The following OTOP1 variants were observed in gnomAD, a reference collection of about 807,000 sequenced individuals.
The protein encoded by OTOP1 is otopetrin 1, also known as proton channel OTOP1.
A neutral mutation model predicts 52.9 loss-of-function variants in OTOP1; 59 were observed. The observed-to-expected ratio is 1.12, with a 90% CI of 0.91 to 1.39. OTOP1 has a LOEUF of 1.39. OTOP1 is among the 40% of genes most tolerant of loss of function. OTOP1 has a pLI of 0.00. For missense variants in OTOP1, 761 were observed against 800.9 expected (o/e 0.95, Z 0.60); for synonymous variants, 317 against 337.7 (o/e 0.94, Z 0.67).
At chr4:4,198,242 A>G in intron 4 of OTOP1, 139 bp from the exon 5 acceptor site, 1 of 684,280 alleles carries the variant, frequency 1.5e-6, no homozygotes, top group Admixed American at 2.8e-5. Context: ...GTCATAGCTT[A>G]TTATCACGTT....
chr4:4,198,782 G>A (rs1290450236), intron 4 of OTOP1, among the ~76,000 whole-genome samples: 1 of 152,204 alleles, frequency 6.6e-6, no homozygotes, highest in Non-Finnish European at 1.5e-5. Flanking sequence ...GATGCTGTAA[G>A]TAAATGATGA....
intron 4 of OTOP1, 96 bp downstream of exon 4, chr4:4,202,352 T>C (rs1322018599): frequency 6.4e-7 from 1 of 1,562,092 alleles, no homozygotes; most frequent in African/African-American, 1.4e-5. Flanking sequence ...TGCAGTTCTT[T>C]GGAACCTGCA....
Position 4,198,004 on chromosome 4 carries a change from T to C in OTOP1, c.830A>G (p.Tyr277Cys). 1 of 1,614,132 alleles carries C rather than the reference T, an allele frequency of 6.2e-7. No homozygotes were observed. The highest frequency in any genetic ancestry group is 8.5e-7 in the Non-Finnish European group (1 of 1,180,012). Residue 277 changes from tyrosine (Y) to cysteine (C), a missense_variant, in exon 5 of 6, where the codon TAT (tyrosine) becomes TGT (cysteine). Coordinates refer to ENST00000296358, the MANE Select transcript of OTOP1 (RefSeq NM_177998.3). Reference sequence around the variant, plus strand: ...GAGCATTGTGGAGGCCAGGATCTGATACTCTATGTTGAAGGGGTAGAGGTA... The same window carrying C: ...GAGCATTGTGGAGGCCAGGATCTGACACTCTATGTTGAAGGGGTAGAGGTA... ...IYYLYPFNIE[Y>C]QILASTMLYV... is the part of the protein sequence containing the mutation.
intron 5 of OTOP1, among the ~76,000 whole-genome samples, chr4:4,192,537 C>G (rs1479762873): frequency 6.6e-6 from 1 of 152,180 alleles, no homozygotes; most frequent in Non-Finnish European, 1.5e-5. Flanking sequence ...CTGGGTTCAT[C>G]CATTTGGATG....
intron 3 of OTOP1, among the ~76,000 whole-genome samples, chr4:4,203,388 A>T (rs968227660): frequency 1.3e-5 from 2 of 152,218 alleles, no homozygotes; most frequent in Non-Finnish European, 2.9e-5. Flanking sequence ...GGAGATCCAG[A>T]TAGACTCAAG....
intron 5 of OTOP1, among the ~76,000 whole-genome samples, chr4:4,194,464 C>T (rs1042387516): frequency 3.3e-5 from 5 of 152,212 alleles, no homozygotes; most frequent in East Asian, 1.9e-4. Context: ...CTGGGCCTTC[C>T]GCCTTCAGCG....
chr4:4,198,495 T>C (rs1429769051), intron 4 of OTOP1, among the ~76,000 whole-genome samples: 1 of 152,162 alleles, frequency 6.6e-6, no homozygotes, highest in Non-Finnish European at 1.5e-5. Flanking sequence ...TGACAGATGA[T>C]TTTTGATCTC....
chr4:4,220,007 ATATG>A (rs1189609008), intron 1 of OTOP1, among the ~76,000 whole-genome samples: 1 of 53,248 alleles, frequency 1.9e-5, no homozygotes, highest in Non-Finnish European at 3.4e-5. Context: ...ATATACATAT[ATATG>A]TATATACATG....
intron 4 of OTOP1, among the ~76,000 whole-genome samples, chr4:4,201,487 CACACACACACACAT>C (rs897366919): frequency 1.3e-5 from 2 of 151,054 alleles, no homozygotes; most frequent in African/African-American, 4.9e-5. Context: ...CACACACACA[CACACACACACACAT>C]ACACACACAC....
At chr4:4,198,211 C>G (rs1560206029) in intron 4 of OTOP1, 108 bp from the exon 5 acceptor site, 1 of 873,646 alleles carries the variant, frequency 1.1e-6, no homozygotes. Flanking sequence ...GGTCTTCCCA[C>G]TGGATTATGA....
At chr4:4,214,228 G>A (rs1202978020) in intron 1 of OTOP1, among the ~76,000 whole-genome samples, 1 of 152,078 alleles carries the variant, frequency 6.6e-6, no homozygotes, top group Non-Finnish European at 1.5e-5. Context: ...TTACTAGAGA[G>A]GTGCAAATCA....
rs979590469 is a variant in OTOP1 at position 4,197,807 on chromosome 4, T to C, written c.1027A>G (p.Ser343Gly). 4 of 1,613,982 alleles carry C rather than the reference T, an allele frequency of 2.5e-6. No homozygotes were observed. The African/African-American group carries it at 4.0e-5, about 16-fold the overall frequency. Residue 343 changes from serine (S) to glycine (G), a missense_variant, in exon 5 of 6, where the codon AGC becomes GGC. Transcript: ENST00000296358. ...LIHIGRSKTK[S>G]ESALIMFYLY... ...TAGAACATGATGAGTGCCGACTCGC[T>C]CTTGGTCTTGGAGCGCCCAATATGA...
intron 1 of OTOP1, among the ~76,000 whole-genome samples, chr4:4,222,847 C>T (rs1717330864): frequency 6.6e-6 from 1 of 152,186 alleles, no homozygotes; most frequent in Non-Finnish European, 1.5e-5. Context: ...TTCCTTTTGG[C>T]ACCAGGGCCT....
At position 4,225,900 on chromosome 4, in the gene OTOP1, G is replaced by A. The variant is rs547790160; in HGVS notation, c.403+562C>T. On this transcript the variant is annotated intron_variant, in intron 1 of 5. Transcript: ENST00000296358. ...CCGGGAGGAGAAGGGGGTCGGAGAA[G>A]CTTCGCGGGGAGAATGGGGTGAGGC... Among the ~76,000 whole-genome samples the A allele has an allele frequency of 3.9e-5, 6 of 152,314 alleles. 1 individual carries two copies. In the South Asian group the frequency reaches 1.2e-3, roughly 32 times the overall value.
chr4:4,207,714 C>A (rs896869254), intron 2 of OTOP1, among the ~76,000 whole-genome samples: 2 of 151,994 alleles, frequency 1.3e-5, no homozygotes, highest in African/African-American at 4.8e-5. Flanking sequence ...ACTGAAGTGC[C>A]CACTGATGGA....
intron 1 of OTOP1, among the ~76,000 whole-genome samples, chr4:4,221,390 T>C (rs1167253431): frequency 6.6e-6 from 1 of 152,010 alleles, no homozygotes; most frequent in Non-Finnish European, 1.5e-5. Flanking sequence ...ACCACTTCAT[T>C]CCAGCCTGGG....
At position 4,226,778 on chromosome 4, in the gene OTOP1, C is replaced by A. The variant is rs923755653; in HGVS notation, c.87G>T (p.Ser29=). Residue 29 remains serine, a synonymous_variant, in exon 1 of 6, where the codon TCG becomes TCT. Transcript: ENST00000296358. ...VAGSSGPAAC[S]PPSSSAPRSP... ...ACCTCGGGGCCGAGGACGAGGGAGGCGAGCAGGCCGCTGGCCCCGACGACC... is the reference window on the plus strand; with the variant it reads ...ACCTCGGGGCCGAGGACGAGGGAGGAGAGCAGGCCGCTGGCCCCGACGACC... 1 of 1,373,996 alleles carries A rather than the reference C, an allele frequency of 7.3e-7. No individual in the cohort carries two copies. Among genetic ancestry groups the A allele is most frequent in the Non-Finnish European group, 9.4e-7 (1 of 1,067,044 alleles). The allele number at this position is 1,373,996 out of a possible 1,614,324, so 85.1% of individuals were successfully genotyped here. A position where few individuals can be genotyped will look rare whatever the true frequency, so the allele number is the denominator to read the frequency against.
intron 1 of OTOP1, among the ~76,000 whole-genome samples, chr4:4,223,153 G>A (rs969771416): frequency 1.3e-5 from 2 of 152,142 alleles, no homozygotes; most frequent in African/African-American, 4.8e-5. Context: ...CACCTATCAC[G>A]TGCTCTCTCT....
At chr4:4,224,951 C>A (rs1437705726) in intron 1 of OTOP1, among the ~76,000 whole-genome samples, 1 of 152,240 alleles carries the variant, frequency 6.6e-6, no homozygotes. Context: ...GTGTGCTGGG[C>A]AGCCACCTCA....
Sources: gnomAD v4.1 joint callset for allele counts (sites outside exome capture counted in the v4.1 genomes callset) on GRCh38, gnomAD v4.1.1 for gene constraint, MANE v1.5 for transcripts, NCBI Gene and HGNC (gene_info 2026-07-23, HGNC 2026-07-21) for gene names.